The following APOOL variants were observed in gnomAD, a reference collection of about 807,000 sequenced individuals.
APOOL encodes MICOS complex subunit MIC27.
In APOOL, 12 loss-of-function variants were observed where a neutral mutation model predicts 23.1. The ratio of observed to expected loss-of-function variants is 0.52; its 90% CI spans 0.33 to 0.84. The LOEUF (loss-of-function observed/expected upper bound fraction) is 0.84. Among genes scored for constraint, APOOL ranks in the 40% least tolerant of loss-of-function variants. APOOL has a pLI of 0.02. For synonymous variants in APOOL, 77 were observed against 69.9 expected (o/e 1.10, Z -0.51); for missense variants, 212 against 199.6 (o/e 1.06, Z -0.37).
chrX:85,026,730 G>T (rs1189093271), intron 1 of APOOL, among the ~76,000 whole-genome samples: 1 of 111,491 alleles, frequency 9.0e-6, no homozygotes, highest in Non-Finnish European at 1.9e-5. Context: ...CTAAGGCATA[G>T]CAAGGCTGAC....
Position 85,087,705 on chromosome X carries a change from G to A in APOOL, c.*27G>A. On this transcript the variant is annotated 3_prime_UTR_variant, in exon 9 of 9. Coordinates refer to ENST00000373173, the MANE Select transcript of APOOL (RefSeq NM_198450.6). ...GTAGACTGCATGCAGAGACTACACA[G>A]AAAACTACAAGATGTGTGGCGTTGC... 1 of 1,097,494 alleles carries A rather than the reference G, an allele frequency of 9.1e-7. No homozygotes were observed. Among genetic ancestry groups the A allele is most frequent in the Non-Finnish European group, 1.2e-6 (1 of 817,968 alleles). 90.4% of individuals were successfully genotyped at this position (1,097,494 alleles called of 1,213,427 possible). A position where few individuals can be genotyped will look rare whatever the true frequency, so the allele number is the denominator to read the frequency against.
In APOOL at chrX:85,092,168, C is replaced by G. The variant is rs937374853; in HGVS notation, c.*4490C>G. On this transcript the variant is annotated 3_prime_UTR_variant, in exon 9 of 9. Transcript: ENST00000373173. Reference sequence around the variant, plus strand: ...TAAGTATAAGTGACTTTTAAATTATCTGCTCTTTTGGATTATCACTACTGC... The same window carrying G: ...TAAGTATAAGTGACTTTTAAATTATGTGCTCTTTTGGATTATCACTACTGC... 3.1e-6 allele frequency: 1 copy of G among 325,842 alleles called. No individual in the cohort carries two copies. Among genetic ancestry groups the G allele is most frequent in the Non-Finnish European group, 5.3e-6 (1 of 187,950 alleles). The allele number at this position is 325,842 out of a possible 1,213,427, so 26.9% of individuals were successfully genotyped here. A position where few individuals can be genotyped will look rare whatever the true frequency, so the allele number is the denominator to read the frequency against.
intron 1 of APOOL, among the ~76,000 whole-genome samples, chrX:85,011,291 T>C (rs1226049624): frequency 8.9e-6 from 1 of 112,228 alleles, no homozygotes; most frequent in Non-Finnish European, 1.9e-5. Context: ...CTGTTGGTTG[T>C]CTGTTTTCTC....
chrX:85,012,606 T>C (rs1364404589), intron 1 of APOOL, among the ~76,000 whole-genome samples: 3 of 111,844 alleles, frequency 2.7e-5, no homozygotes, highest in Non-Finnish European at 5.7e-5. Flanking sequence ...GGTGATCTTA[T>C]GATCTTATGA....
chrX:85,028,979 C>T (rs1921939864), intron 1 of APOOL, among the ~76,000 whole-genome samples: 1 of 111,488 alleles, frequency 9.0e-6, no homozygotes, highest in African/African-American at 3.3e-5. Context: ...CTATTGTGAA[C>T]ATTGCTGCAA....
At chrX:85,031,129 A>G (rs1157587973) in intron 1 of APOOL, among the ~76,000 whole-genome samples, 1 of 111,790 alleles carries the variant, frequency 8.9e-6, no homozygotes, top group Non-Finnish European at 1.9e-5. Context: ...CAGAGTAAGT[A>G]CATGTTGAGC....
intron 1 of APOOL, among the ~76,000 whole-genome samples, chrX:85,042,207 G>A (rs1206181847): frequency 8.9e-6 from 1 of 111,929 alleles, no homozygotes. Flanking sequence ...CAAACCTTTA[G>A]CTAGACTAAC....
At chrX:85,075,663 C>T (rs1429984069) in intron 8 of APOOL, among the ~76,000 whole-genome samples, 5 of 111,417 alleles carry the variant, frequency 4.5e-5, no homozygotes, top group African/African-American at 1.6e-4. Context: ...CTTTTAATTC[C>T]AGAGTATCTT....
At chrX:85,064,255 TTCTC>T (rs750940725) in intron 5 of APOOL, among the ~76,000 whole-genome samples, 1 of 110,866 alleles carries the variant, frequency 9.0e-6, no homozygotes, top group Non-Finnish European at 1.9e-5. Flanking sequence ...TATTTGAATC[TTCTC>T]TCTTTTTTTC....
Position 85,088,111 on chromosome X carries a change from TATATGTATAAATACATACATATTTATAC to T in APOOL, c.*438_*465del, listed in dbSNP as rs1437261007. 7 of 43,607 alleles carry T rather than the reference TATATGTATAAATACATACATATTTATAC, an allele frequency of 1.6e-4. No homozygotes were observed. Among genetic ancestry groups the T allele is most frequent in the African/African-American group, 5.7e-4 (6 of 10,534 alleles). 3.6% of individuals were successfully genotyped at this position (43,607 alleles called of 1,213,427 possible). A position where few individuals can be genotyped will look rare whatever the true frequency, so the allele number is the denominator to read the frequency against. Reference sequence around the variant, plus strand: ...ATAAATACATATACATATTTATACATATATGTATAAATACATACATATTTATACATATATGTATAAATACATACATATT... The same window carrying T: ...ATAAATACATATACATATTTATACATATATATGTATAAATACATACATATT... On this transcript the variant is annotated 3_prime_UTR_variant, in exon 9 of 9. Coordinates refer to ENST00000373173, the MANE Select transcript of APOOL (RefSeq NM_198450.6).
At chrX:85,082,520 C>T (rs1411025899) in intron 8 of APOOL, among the ~76,000 whole-genome samples, 1 of 110,795 alleles carries the variant, frequency 9.0e-6, no homozygotes, top group African/African-American at 3.3e-5. Flanking sequence ...TATGAGGTGT[C>T]CTGACTCACT....
chrX:85,072,108 C>CA (rs1007719854), intron 6 of APOOL, among the ~76,000 whole-genome samples: 6 of 108,431 alleles, frequency 5.5e-5, no homozygotes, highest in South Asian at 7.9e-4. Context: ...GACTCCGTCT[C>CA]AAAAAAAACA....
intron 1 of APOOL, among the ~76,000 whole-genome samples, chrX:85,005,603 A>G (rs1921051270): frequency 9.0e-6 from 1 of 111,528 alleles, no homozygotes; most frequent in Non-Finnish European, 1.9e-5. Flanking sequence ...GAAGACAGTA[A>G]TTATATTAAC....
chrX:85,055,791 C>A, intron 4 of APOOL, 36 bp from the exon 5 acceptor site: 1 of 994,373 alleles, frequency 1.0e-6, no homozygotes, highest in South Asian at 2.2e-5. Context: ...CAGTAGAATT[C>A]AGTTATTCAT....
At chrX:85,039,572 T>A (rs2147640295) in intron 1 of APOOL, among the ~76,000 whole-genome samples, 1 of 111,866 alleles carries the variant, frequency 8.9e-6, no homozygotes, top group South Asian at 3.7e-4. Context: ...GAACTAGAAC[T>A]TACTTTATGA....
At chrX:85,059,973 A>G (rs1366881387) in intron 5 of APOOL, among the ~76,000 whole-genome samples, 1 of 109,197 alleles carries the variant, frequency 9.2e-6, no homozygotes, top group East Asian at 2.9e-4. Flanking sequence ...CCTGAATGGT[A>G]TTGCCTAGGT....
intron 1 of APOOL, among the ~76,000 whole-genome samples, chrX:85,011,647 CT>C (rs1212108775): frequency 9.0e-6 from 1 of 111,678 alleles, no homozygotes; most frequent in Non-Finnish European, 1.9e-5. Flanking sequence ...GATCAATTGG[CT>C]GTAAGTATTT....
chrX:85,087,351 C>A (rs189693615), intron 8 of APOOL, among the ~76,000 whole-genome samples: 1 of 110,788 alleles, frequency 9.0e-6, no homozygotes, highest in African/African-American at 3.3e-5. Flanking sequence ...TCCCTGGCTG[C>A]CCTATTTAAA....
chrX:85,018,081 T>G (rs1480868659), intron 1 of APOOL, among the ~76,000 whole-genome samples: 1 of 112,719 alleles, frequency 8.9e-6, no homozygotes, highest in Non-Finnish European at 1.9e-5. Flanking sequence ...ATGAGTCTTT[T>G]AATGTGCTGT....
Sources: allele counts gnomAD v4.1 joint callset (sites outside exome capture counted in the v4.1 genomes callset), GRCh38; gene constraint gnomAD v4.1.1; transcripts MANE v1.5; gene names NCBI Gene and HGNC (gene_info 2026-07-23, HGNC 2026-07-21).